MYBBP1A: variants seen among roughly 807,000 people sequenced by gnomAD.
The protein encoded by MYBBP1A is myb-binding protein 1A.
MYBBP1A carries 147 observed loss-of-function variants against 136.3 expected under a neutral mutation model. The ratio of observed to expected loss-of-function variants is 1.08; its 90% CI spans 0.94 to 1.24. The LOEUF (loss-of-function observed/expected upper bound fraction) is 1.24. Ranked by LOEUF, MYBBP1A falls within the 50% of genes most tolerant of loss-of-function variation. The pLI, the probability that MYBBP1A is intolerant of heterozygous loss-of-function variation, is 0.00. For synonymous variants in MYBBP1A, 947 were observed against 735.8 expected (o/e 1.29, Z -4.65); for missense variants, 2,060 against 1,727.4 (o/e 1.19, Z -3.41).
rs1462520800 is a variant in MYBBP1A at position 4,552,669 on chromosome 17, T to C, written c.562-43A>G. The C allele has an allele frequency of 1.3e-6, 2 of 1,583,766 alleles. No homozygotes were observed. Among genetic ancestry groups the C allele is most frequent in the South Asian group, 1.1e-5 (1 of 88,382 alleles). ...AGAAATCGTGACTTCCTCTGCGGGGTGAGCCTGGTGGATCCTGTTCTACCT... is the reference window on the plus strand; with the variant it reads ...AGAAATCGTGACTTCCTCTGCGGGGCGAGCCTGGTGGATCCTGTTCTACCT... On this transcript the variant is annotated intron_variant, in intron 5 of 25. Coordinates refer to ENST00000254718, the MANE Select transcript of MYBBP1A (RefSeq NM_014520.4). This position sits in a 1 kb window ranked among gnomAD's most constrained non-coding sequence, Gnocchi z 4.7.
rs748003545 is a variant in MYBBP1A at position 4,548,065 on chromosome 17, G to T, written c.1725-8C>A. Reference sequence around the variant, plus strand: ...TTCAGAGTCTGCAGCATCCTGCGGGGAGACAGGCGATTCCCAGGCCCCTGC... The same window carrying T: ...TTCAGAGTCTGCAGCATCCTGCGGGTAGACAGGCGATTCCCAGGCCCCTGC... On this transcript the variant is annotated splice_polypyrimidine_tract_variant and splice_region_variant and intron_variant, in intron 12 of 25. Coordinates refer to ENST00000254718, the MANE Select transcript of MYBBP1A (RefSeq NM_014520.4). This position sits in a 1 kb window ranked among gnomAD's most constrained non-coding sequence, Gnocchi z 4.2. The T allele has an allele frequency of 3.2e-6, 5 of 1,585,728 alleles. No individual in the cohort carries two copies. Among genetic ancestry groups the T allele is most frequent in the South Asian group, 2.3e-5 (2 of 88,556 alleles).
rs1906145198 is a variant in MYBBP1A, at chr17:4,539,490, CAA to C, written c.3910_3911del (p.Leu1304GlyfsTer40). 6.2e-7 allele frequency: 1 copy of C among 1,614,186 alleles called. No homozygotes were observed. The highest frequency in any genetic ancestry group is 8.5e-7 in the Non-Finnish European group (1 of 1,180,042). On this transcript the variant is annotated frameshift_variant, in exon 26 of 26. Coordinates refer to ENST00000254718, the MANE Select transcript of MYBBP1A (RefSeq NM_014520.4). LOFTEE classifies it low-confidence loss of function (END_TRUNC). ...ALARKKARLS[L>X]VIRSPSLLQS... Reference sequence around the variant, plus strand: ...GAAGCAGGCTGGGACTCCTGATGACCAAAGACAGCCTTGCCTTTTTCCGTGCC... The same window carrying C: ...GAAGCAGGCTGGGACTCCTGATGACCAGACAGCCTTGCCTTTTTCCGTGCC...
intron 18 of MYBBP1A, 32 bp from the exon 19 acceptor site, chr17:4,544,678 GGGTGGGCGC>G (rs1906792279): frequency 6.8e-7 from 1 of 1,468,770 alleles, no homozygotes; most frequent in African/African-American, 1.6e-5. Context: ...AGCAACACGG[GGGTGGGCGC>G]ACAGGGAGGC....
chr17:4,551,961 G>C lies in MYBBP1A; in HGVS notation c.942C>G (p.Pro314=), dbSNP rs1439603955. The C allele has an allele frequency of 1.6e-5, 25 of 1,612,190 alleles. No individual in the cohort carries two copies. Among genetic ancestry groups the C allele is most frequent in the Non-Finnish European group, 2.1e-5 (25 of 1,178,930 alleles). Residue 314 remains proline (P), a synonymous_variant, in exon 8 of 26, where the codon CCC becomes CCG. Coordinates refer to ENST00000254718, the MANE Select transcript of MYBBP1A (RefSeq NM_014520.4). ...LCFRLLGAAL[P]LLTKEQLHLV... ...GGTGCAGCTGCTCCTTGGTCAGCAGGGGCAGGGCCGCGCCCAGCAGGCGGA... is the reference window on the plus strand; with the variant it reads ...GGTGCAGCTGCTCCTTGGTCAGCAGCGGCAGGGCCGCGCCCAGCAGGCGGA...
In MYBBP1A at chr17:4,549,414, T is replaced by G. The variant is rs771389457; in HGVS notation, c.1348A>C (p.Lys450Gln). The G allele has an allele frequency of 1.2e-6, 2 of 1,613,200 alleles. No individual in the cohort carries two copies. Among genetic ancestry groups the G allele is most frequent in the Non-Finnish European group, 1.7e-6 (2 of 1,179,942 alleles). Residue 450 changes from lysine to glutamine, a missense_variant, in exon 10 of 26, where the codon AAA becomes CAA. Lys to Gln is a moderately conservative substitution (Grantham distance 53). Transcript: ENST00000254718. ...CTCACCAATCGAAAGATGATCCATT[T>G]CCTCAGCCGGAACACAGCTCGCTCA... is the stretch of plus-strand genomic sequence containing the variant. ...MPERAVFRLR[K>Q]WIIFRLVSIV...
chr17:4,552,468 T>G lies in MYBBP1A; in HGVS notation c.720A>C (p.Ser240=). The G allele has an allele frequency of 1.9e-6, 3 of 1,613,222 alleles. No individual in the cohort carries two copies. The highest frequency in any genetic ancestry group is 2.5e-6 in the Non-Finnish European group (3 of 1,179,926). Residue 240 remains serine (S), a synonymous_variant, in exon 6 of 26, where the codon TCA becomes TCC. Coordinates refer to ENST00000254718, the MANE Select transcript of MYBBP1A (RefSeq NM_014520.4). This position sits in a 1 kb window ranked among gnomAD's most constrained non-coding sequence, Gnocchi z 4.7. ...KKLVGSVNLF[S]DENVPRLVNV... ...CATCACACCTGGGGACATTCTCATC[T>G]GAGAATAGGTTCACGGATCCCACCA...
chr17:4,554,398 C>T, intron 2 of MYBBP1A, 120 bp from the exon 3 acceptor site: 1 of 781,504 alleles, frequency 1.3e-6, no homozygotes, highest in Admixed American at 2.5e-5. Context: ...GTCCCTAGTC[C>T]CACCTTCTAT....
chr17:4,555,019 C>G lies in MYBBP1A; in HGVS notation c.199-63G>C, dbSNP rs1871347. On this transcript the variant is annotated intron_variant, in intron 1 of 25. Coordinates refer to ENST00000254718, the MANE Select transcript of MYBBP1A (RefSeq NM_014520.4). ...AACAAGGTGCACGCCCCCGCGCACC[C>G]TGGCATCCAGGTTCGCGACCACGTG... 24 of 1,598,828 alleles carry G rather than the reference C, an allele frequency of 1.5e-5. No homozygotes were observed. The African/African-American group carries it at 2.8e-4, about 19-fold the overall frequency.
chr17:4,541,771 C>T lies in MYBBP1A; in HGVS notation c.3195+13G>A. On this transcript the variant is annotated intron_variant, in intron 23 of 25. Transcript: ENST00000254718. ...TCTGAGGGGGTGGGGAAAGGGCGCC[C>T]CCCGGCTGTTACCTCGGTGACCTTT... 3 of 1,610,810 alleles carry T rather than the reference C, an allele frequency of 1.9e-6. No individual in the cohort carries two copies. Among genetic ancestry groups the T allele is most frequent in the Non-Finnish European group, 2.5e-6 (3 of 1,177,298 alleles).
At position 4,543,128 on chromosome 17, in the gene MYBBP1A, A is replaced by G. The variant is rs1226749093; in HGVS notation, c.2677T>C (p.Leu893=). 1.2e-6 allele frequency: 2 copies of G among 1,610,812 alleles called. No individual in the cohort carries two copies. Among genetic ancestry groups the G allele is most frequent in the Non-Finnish European group, 1.7e-6 (2 of 1,178,776 alleles). The change falls in exon 20 of 26, where the codon TTG becomes CTG. Residue 893 remains leucine (L), a synonymous_variant. Coordinates refer to ENST00000254718, the MANE Select transcript of MYBBP1A (RefSeq NM_014520.4). The part of the protein sequence containing the change: ...LCRARRYCHD[L]GERAGALHAQ... ...TGCAGGGCCCCTGCGCGCTCACCCA[A>G]GTCGTGGCAGTAGCGCCGGGCACGG...
Position 4,545,190 on chromosome 17 carries a change from C to G in MYBBP1A, c.2161-15G>C, listed in dbSNP as rs976811872. On this transcript the variant is annotated splice_polypyrimidine_tract_variant and intron_variant, in intron 16 of 25. Coordinates refer to ENST00000254718, the MANE Select transcript of MYBBP1A (RefSeq NM_014520.4). ...TCGCTCTTGTCCTGTGTGGTAGAGG[C>G]AGGCGCGTCACACACCTCCCCGATC... 1.2e-6 allele frequency: 2 copies of G among 1,613,224 alleles called. No individual in the cohort carries two copies. The highest frequency in any genetic ancestry group is 1.7e-6 in the Non-Finnish European group (2 of 1,179,896).
At chr17:4,544,991 C>T (rs1316966259) in intron 17 of MYBBP1A, 35 bp downstream of exon 17, 10 of 722,634 alleles carry the variant, frequency 1.4e-5, no homozygotes, top group Non-Finnish European at 2.1e-5. Flanking sequence ...CCCGAGCCCT[C>T]CCCGGCCGCC....
intron 9 of MYBBP1A, 83 bp from the exon 10 acceptor site, chr17:4,549,525 C>A: frequency 1.5e-6 from 2 of 1,291,560 alleles, no homozygotes; most frequent in South Asian, 1.3e-5. Context: ...ACCTGTAATC[C>A]CAGCACTTTG....
At position 4,544,646 on chromosome 17, in the gene MYBBP1A, C is replaced by A; in HGVS notation, c.2482G>T (p.Val828Leu). Residue 828 changes from valine (V) to leucine (L), a missense_variant and splice_region_variant, in exon 19 of 26, where the codon GTG (valine) becomes TTG (leucine). By Grantham distance (32) the Val-to-Leu change is conservative. Coordinates refer to ENST00000254718, the MANE Select transcript of MYBBP1A (RefSeq NM_014520.4). ...ACTAGCACCTCCACCAGGTCCAGCA[C>A]CTGCAGCCAGGAGGGCAGGTCAGCA... ...KALRRDFQIR[V>L]LDLVEVLVTK... 6.4e-7 allele frequency: 1 copy of A among 1,573,000 alleles called. No individual in the cohort carries two copies. The highest frequency in any genetic ancestry group is 1.2e-5 in the South Asian group (1 of 86,920).
At position 4,539,395 on chromosome 17, in the gene MYBBP1A, A is replaced by T. The variant is rs1567600860; in HGVS notation, c.*20T>A. 2 of 1,568,620 alleles carry T rather than the reference A, an allele frequency of 1.3e-6. No individual in the cohort carries two copies. The highest frequency in any genetic ancestry group is 1.7e-6 in the Non-Finnish European group (2 of 1,157,834). On this transcript the variant is annotated 3_prime_UTR_variant, in exon 26 of 26. Coordinates refer to ENST00000254718, the MANE Select transcript of MYBBP1A (RefSeq NM_014520.4). ...CTCAGGCAGATGGAGGCAGGGGCTG[A>T]GGGGGGCCCGTACCTGTGCTCAGGG...
chr17:4,539,457 C>T lies in MYBBP1A; in HGVS notation c.3945G>A (p.Gly1315=). ...VIRSPSLLQS[G]AKKKAQVRKA... ...TCCTCACCTGTGCTTTCTTCTTGGC[C>T]CCACTCTGAAGCAGGCTGGGACTCC... Residue 1315 remains glycine, a synonymous_variant, in exon 26 of 26, where the codon GGG becomes GGA. Transcript: ENST00000254718. 1 of 1,614,060 alleles carries T rather than the reference C, an allele frequency of 6.2e-7. No individual in the cohort carries two copies.
chr17:4,544,986 G>GCCCAGCCCCCCCCCC, intron 17 of MYBBP1A, 40 bp downstream of exon 17: 1 of 1,464,168 alleles, frequency 6.8e-7, no homozygotes, highest in Non-Finnish European at 9.1e-7. Flanking sequence ...GGACACCCGA[G>GCCCAGCCCCCCCCCC]CCCTCCCCGG....
At position 4,543,159 on chromosome 17, in the gene MYBBP1A, G is replaced by C. The variant is rs767581060; in HGVS notation, c.2646C>G (p.His882Gln). ...LHKTARIFTH[H>Q]LCRARRYCHD... ...GGCAGTAGCGCCGGGCACGGCACAG[G>C]TGGTGCCTGTGGGTGGTGAGGACGA... is the stretch of plus-strand genomic sequence containing the variant. The change falls in exon 20 of 26, where the codon CAC becomes CAG. Residue 882 changes from histidine (H) to glutamine (Q), a missense_variant. His to Gln is a conservative substitution (Grantham distance 24). Transcript: ENST00000254718. 5 of 1,604,254 alleles carry C rather than the reference G, an allele frequency of 3.1e-6. No individual in the cohort carries two copies. Among genetic ancestry groups the C allele is most frequent in the Non-Finnish European group, 4.3e-6 (5 of 1,175,642 alleles).
Position 4,539,147 on chromosome 17 carries a change from A to C in MYBBP1A, c.*268T>G. ...ACATCAACCTGCACCAACCCAGGCA[A>C]ACACCAGAGCCCTGGACATGGCCCT... On this transcript the variant is annotated 3_prime_UTR_variant, in exon 26 of 26. Coordinates refer to ENST00000254718, the MANE Select transcript of MYBBP1A (RefSeq NM_014520.4). 1.4e-6 allele frequency: 2 copies of C among 1,477,688 alleles called. No individual in the cohort carries two copies. The highest frequency in any genetic ancestry group is 1.4e-5 in the South Asian group (1 of 72,652). 91.5% of individuals were successfully genotyped at this position (1,477,688 alleles called of 1,614,324 possible).
Sources: gnomAD v4.1 joint callset for allele counts on GRCh38, gnomAD v4.1.1 for gene constraint, Gnocchi (gnomAD v3.1) non-coding constraint, MANE v1.5 for transcripts, NCBI Gene and HGNC (gene_info 2026-07-23, HGNC 2026-07-21) for gene names.